The following UIMC1 variants were observed in gnomAD, a reference collection of about 807,000 sequenced individuals.
UIMC1 encodes the protein BRCA1-A complex subunit RAP80.
A neutral mutation model predicts 84.9 loss-of-function variants in UIMC1; 42 were observed. That is an observed-to-expected ratio of 0.49 (90% confidence interval 0.39 to 0.64). The LOEUF is 0.64. Ranked by LOEUF, UIMC1 falls within the 30% of genes least tolerant of loss-of-function variation. UIMC1 has a pLI of 0.00. For missense variants in UIMC1, 825 were observed against 847.6 expected, an observed-to-expected ratio of 0.97 and a Z score of 0.33; for synonymous variants, 281 against 293.0, an observed-to-expected ratio of 0.96 and a Z score of 0.42.
chr5:177,013,264 G>A (rs758686076), intron 1 of UIMC1, among the ~76,000 whole-genome samples: 1 of 151,808 alleles, frequency 6.6e-6, no homozygotes, highest in Non-Finnish European at 1.5e-5. Context: ...GGAAGGCTGA[G>A]GCAGGAGAAT....
chr5:177,004,954 G>A (rs1401187257), intron 1 of UIMC1, among the ~76,000 whole-genome samples: 1 of 152,138 alleles, frequency 6.6e-6, no homozygotes, highest in Non-Finnish European at 1.5e-5. Flanking sequence ...CCAGGCTGGA[G>A]TGCAGTAGGG....
At chr5:176,906,318 G>A (rs1759371682) in intron 13 of UIMC1, 1 of 435,110 alleles carries the variant, frequency 2.3e-6, no homozygotes. Context: ...GTTGCCAAGG[G>A]AAATCTGCCA....
chr5:177,014,733 AGAAT>A (rs1256477817), intron 1 of UIMC1, among the ~76,000 whole-genome samples: 3 of 152,172 alleles, frequency 2.0e-5, no homozygotes, highest in Non-Finnish European at 4.4e-5. Flanking sequence ...CAATGGGAAT[AGAAT>A]GAATAAAGGC....
intron 8 of UIMC1, 54 bp from the exon 9 acceptor site, chr5:176,951,631 T>C: frequency 1.4e-6 from 2 of 1,399,524 alleles, no homozygotes; most frequent in Non-Finnish European, 1.9e-6. Context: ...GTTTTCATAA[T>C]TAAAAAAACA....
At position 177,005,860 on chromosome 5, in the gene UIMC1, TCGC is replaced by T. The variant is rs1775177374; in HGVS notation, c.-9+787_-9+789del. Among the ~76,000 whole-genome samples the T allele has an allele frequency of 5.3e-5, 8 of 152,230 alleles. No homozygotes were observed. In the South Asian group the frequency reaches 1.7e-3, roughly 32 times the overall value. The stretch of plus-strand genomic sequence containing the variant: ...ATCCAGCTCCACTACTGCCCGGGAC[TCGC>T]GCCCCGTTAACTGAGCGGCAGGGCA... On this transcript the variant is annotated intron_variant, in intron 1 of 14. Coordinates refer to ENST00000511320, the MANE Select transcript of UIMC1 (RefSeq NM_001199298.2).
intron 2 of UIMC1, among the ~76,000 whole-genome samples, chr5:176,976,443 C>G (rs1216053055): frequency 6.6e-6 from 1 of 152,120 alleles, no homozygotes; most frequent in Non-Finnish European, 1.5e-5. Context: ...CAGGGAAATA[C>G]AAGTCAAAAC....
chr5:177,013,782 T>TG (rs927666994), intron 1 of UIMC1, among the ~76,000 whole-genome samples: 5 of 152,220 alleles, frequency 3.3e-5, no homozygotes, highest in African/African-American at 1.2e-4. Flanking sequence ...CAAAGGAAAC[T>TG]GGGCACAAGT....
chr5:176,937,611 A>G (rs913992883), intron 10 of UIMC1, among the ~76,000 whole-genome samples: 9 of 152,270 alleles, frequency 5.9e-5, no homozygotes, highest in Admixed American at 4.6e-4. Flanking sequence ...AGTGCGTAGT[A>G]TTATAATCAA....
At chr5:176,931,003 T>C (rs934242179) in intron 10 of UIMC1, among the ~76,000 whole-genome samples, 4 of 151,060 alleles carry the variant, frequency 2.6e-5, no homozygotes, top group African/African-American at 9.7e-5. Flanking sequence ...AACATTCCCC[T>C]GTGTGTCCCA....
At chr5:176,975,557 G>C in intron 2 of UIMC1, 77 bp from the exon 3 acceptor site, 3 of 1,353,620 alleles carry the variant, frequency 2.2e-6, no homozygotes, top group Non-Finnish European at 3.2e-6. Context: ...CCTCCCCTAT[G>C]GCTAAGAGAG....
At chr5:176,910,754 G>T (rs1437325206) in intron 11 of UIMC1, among the ~76,000 whole-genome samples, 1 of 152,044 alleles carries the variant, frequency 6.6e-6, no homozygotes, top group Admixed American at 6.5e-5. Flanking sequence ...TATTAAAAAG[G>T]GATACAGAGG....
chr5:176,992,998 C>T (rs1773104749), intron 1 of UIMC1, among the ~76,000 whole-genome samples: 1 of 151,900 alleles, frequency 6.6e-6, no homozygotes, highest in Non-Finnish European at 1.5e-5. Context: ...CCAGCATGGC[C>T]AACATGGCGA....
intron 10 of UIMC1, among the ~76,000 whole-genome samples, chr5:176,924,622 C>T (rs1762149939): frequency 6.6e-6 from 1 of 152,060 alleles, no homozygotes; most frequent in East Asian, 1.9e-4. Context: ...CATCCCCTAA[C>T]TCACACCATA....
At chr5:177,004,003 T>C (rs1774915494) in intron 1 of UIMC1, among the ~76,000 whole-genome samples, 1 of 152,156 alleles carries the variant, frequency 6.6e-6, no homozygotes, top group Admixed American at 6.5e-5. Context: ...TAATTTTTTG[T>C]ATTTTTTGTA....
chr5:176,943,604 T>A (rs996850511), intron 9 of UIMC1, 116 bp from the exon 10 acceptor site: 24 of 1,298,794 alleles, frequency 1.8e-5, no homozygotes, highest in Non-Finnish European at 2.5e-5. Context: ...AACAACAGCT[T>A]ATCAAATTCA....
chr5:176,995,843 CAAAAA>C (rs34672103), intron 1 of UIMC1, among the ~76,000 whole-genome samples: 3 of 79,610 alleles, frequency 3.8e-5, no homozygotes, highest in African/African-American at 4.8e-5. Context: ...AACTCCATCT[CAAAAA>C]AAAAAAAAAA....
chr5:176,950,393 C>T (rs564065804), intron 9 of UIMC1, among the ~76,000 whole-genome samples: 20 of 150,996 alleles, frequency 1.3e-4, no homozygotes, highest in Admixed American at 7.9e-4. Flanking sequence ...CCACTGCGCC[C>T]GGCCAAAAAG....
chr5:176,919,165 A>C (rs541081396), intron 10 of UIMC1: 4 of 403,276 alleles, frequency 9.9e-6, no homozygotes, highest in Non-Finnish European at 1.9e-5. Flanking sequence ...TTCAATGGCA[A>C]GTACCTGGGA....
At chr5:176,938,423 C>A (rs1163438717) in intron 10 of UIMC1, among the ~76,000 whole-genome samples, 1 of 152,024 alleles carries the variant, frequency 6.6e-6, no homozygotes, top group Admixed American at 6.6e-5. Context: ...GTACTGAGTA[C>A]CTATTGTACA....
Sources: allele counts gnomAD v4.1 joint callset (sites outside exome capture counted in the v4.1 genomes callset), GRCh38; gene constraint gnomAD v4.1.1; transcripts MANE v1.5; gene names NCBI Gene and HGNC (gene_info 2026-07-23, HGNC 2026-07-21).